Variants in PRDM15 observed in about 807,000 individuals in gnomAD.
PRDM15 encodes PR domain zinc finger protein 15.
A neutral mutation model predicts 128.6 loss-of-function variants in PRDM15; 64 were observed. That is an observed-to-expected ratio of 0.50 (90% confidence interval 0.41 to 0.61). The LOEUF is 0.61. Among genes scored for constraint, PRDM15 ranks in the 20% least tolerant of loss-of-function variants. The probability of loss-of-function intolerance (pLI) is 0.00; values close to 1 mark genes in which losing one functional copy is unlikely to be tolerated. For missense variants in PRDM15, 1,242 were observed against 1,569.1 expected, an observed-to-expected ratio of 0.79 and a Z score of 3.52; for synonymous variants, 615 against 621.8, an observed-to-expected ratio of 0.99 and a Z score of 0.16.
In PRDM15 at chr21:41,828,117, C is replaced by T. The variant is rs778463668; in HGVS notation, c.1534+49G>A. 22 of 1,601,652 alleles carry T rather than the reference C, an allele frequency of 1.4e-5. 1 individual carries two copies. In the South Asian group the frequency reaches 1.8e-4, roughly 13 times the overall value. On this transcript the variant is annotated intron_variant, in intron 12 of 23. Coordinates refer to ENST00000398548, the MANE Select transcript of PRDM15 (RefSeq NM_001040424.3). The surrounding 1 kb of genome is among the most constrained non-coding windows in gnomAD (Gnocchi z 5.7). Reference sequence around the variant, plus strand: ...TGCTCCATGCCGCCCTGCCCCACCCCGCAGGAGCTGCCTCTCCCCGCCCGC... The same window carrying T: ...TGCTCCATGCCGCCCTGCCCCACCCTGCAGGAGCTGCCTCTCCCCGCCCGC...
chr21:41,827,678 CTTCTT>C (rs1436506671), intron 12 of PRDM15, among the ~76,000 whole-genome samples: 5 of 152,200 alleles, frequency 3.3e-5, no homozygotes, highest in Non-Finnish European at 7.3e-5. Context: ...GGTCTCACAT[CTTCTT>C]TTCAACAAGC....
chr21:41,867,550 C>T (rs999371090), intron 1 of PRDM15, among the ~76,000 whole-genome samples: 4 of 152,296 alleles, frequency 2.6e-5, no homozygotes, highest in African/African-American at 9.6e-5. Context: ...CACAAGCGAC[C>T]CTCCTGCCGC....
chr21:41,823,632 G>A (rs550880331), intron 13 of PRDM15, among the ~76,000 whole-genome samples, 183 bp from the exon 14 acceptor site: 74 of 152,294 alleles, frequency 4.9e-4, no homozygotes, highest in African/African-American at 1.7e-3. Flanking sequence ...CGGAATAAGG[G>A]TTACTTGCTG....
At chr21:41,802,068 C>T (rs2061430892) in intron 23 of PRDM15, among the ~76,000 whole-genome samples, 1 of 152,170 alleles carries the variant, frequency 6.6e-6, no homozygotes, top group Non-Finnish European at 1.5e-5. Flanking sequence ...CACCACAAAG[C>T]TACAAAGAGC....
In PRDM15 at chr21:41,817,445, C is replaced by T. The variant is rs148309325; in HGVS notation, c.2261-1609G>A. Among the ~76,000 whole-genome samples, 13 of 152,278 alleles carry T rather than the reference C, an allele frequency of 8.5e-5. 2 individuals carry two copies. The highest frequency in any genetic ancestry group is 1.3e-4 in the Admixed American group (2 of 15,298). ...TCCACCTGCTGGTGACAGGCTCTCA[C>T]GACTACTAACAGCCTCCCACTTGGT... On this transcript the variant is annotated intron_variant, in intron 18 of 23. Coordinates refer to ENST00000398548, the MANE Select transcript of PRDM15 (RefSeq NM_001040424.3).
In PRDM15 at chr21:41,815,709, G is replaced by C; in HGVS notation, c.2388C>G (p.His796Gln). The C allele has an allele frequency of 6.2e-7, 1 of 1,613,466 alleles. No homozygotes were observed. The highest frequency in any genetic ancestry group is 8.5e-7 in the Non-Finnish European group (1 of 1,179,930). ...CGGCCCGGGCCTCGGACTCACCCGTGTGCCGCTTGCAGTGCTTGAGCATGT... is the reference window on the plus strand; with the variant it reads ...CGGCCCGGGCCTCGGACTCACCCGTCTGCCGCTTGCAGTGCTTGAGCATGT... ...KVNMLKHCKR[H>Q]TGIKDFMCEL... is the part of the protein sequence containing the mutation. The change falls in exon 19 of 24, where the codon CAC (histidine) becomes CAG (glutamine). Residue 796 changes from histidine to glutamine, a missense_variant. His to Gln is a conservative substitution (Grantham distance 24). This residue lies in a region of PRDM15 where 602 missense variants were observed against 788.3 expected (regional missense o/e 0.76). Coordinates refer to ENST00000398548, the MANE Select transcript of PRDM15 (RefSeq NM_001040424.3).
Position 41,835,430 on chromosome 21 carries a change from C to T in PRDM15, c.1366+7G>A. The T allele has an allele frequency of 6.2e-7, 1 of 1,604,536 alleles. No homozygotes were observed. Among genetic ancestry groups the T allele is most frequent in the Non-Finnish European group, 8.5e-7 (1 of 1,177,200 alleles). Reference sequence around the variant, plus strand: ...CGGCCGAGGGGAGACGTGACCGGCGCCCTCACCTGTCCTGCAGTTGTGGAA... The same window carrying T: ...CGGCCGAGGGGAGACGTGACCGGCGTCCTCACCTGTCCTGCAGTTGTGGAA... On this transcript the variant is annotated splice_region_variant and intron_variant, in intron 11 of 23. Coordinates refer to ENST00000398548, the MANE Select transcript of PRDM15 (RefSeq NM_001040424.3).
Position 41,821,097 on chromosome 21 carries a change from C to T in PRDM15, c.2030G>A (p.Arg677His). The T allele has an allele frequency of 3.1e-6, 5 of 1,614,228 alleles. No individual in the cohort carries two copies. Among genetic ancestry groups the T allele is most frequent in the Non-Finnish European group, 4.2e-6 (5 of 1,180,042 alleles). Reference sequence around the variant, plus strand: ...CACGTTGGGGTCCGGCAGGTTTTCACGGTGGATGACCATGTGGGCGTGGTA... The same window carrying T: ...CACGTTGGGGTCCGGCAGGTTTTCATGGTGGATGACCATGTGGGCGTGGTA... Reference protein sequence around the residue: ...ATYHAHMVIHRENLPDPNVQK... With the variant: ...ATYHAHMVIHHENLPDPNVQK... Residue 677 changes from arginine to histidine, a missense_variant, in exon 16 of 24, where the codon CGT (arginine) becomes CAT (histidine). This residue lies in a region of PRDM15 where 602 missense variants were observed against 788.3 expected (regional missense o/e 0.76). Coordinates refer to ENST00000398548, the MANE Select transcript of PRDM15 (RefSeq NM_001040424.3). This position sits in a 1 kb window ranked among gnomAD's most constrained non-coding sequence, Gnocchi z 5.4.
In PRDM15 at chr21:41,815,440, G is replaced by A. The variant is rs1235277677; in HGVS notation, c.2392+265C>T. Among the ~76,000 whole-genome samples, 5 of 152,348 alleles carry A rather than the reference G, an allele frequency of 3.3e-5. No homozygotes were observed. The South Asian group carries it at 6.2e-4, about 19-fold the overall frequency. On this transcript the variant is annotated intron_variant, in intron 19 of 23. Coordinates refer to ENST00000398548, the MANE Select transcript of PRDM15 (RefSeq NM_001040424.3). Reference sequence around the variant, plus strand: ...CTGAGGGGGAAACAGCTGAACGGGAGGAACATTTAAAGACTGACCAGTCTC... The same window carrying A: ...CTGAGGGGGAAACAGCTGAACGGGAAGAACATTTAAAGACTGACCAGTCTC...
chr21:41,819,943 A>G (rs2062193199), intron 17 of PRDM15, 152 bp downstream of exon 17: 1 of 783,976 alleles, frequency 1.3e-6, no homozygotes, highest in Admixed American at 2.2e-5. Flanking sequence ...GGCAGGGCTG[A>G]TAAGGACGGG....
intron 21 of PRDM15, among the ~76,000 whole-genome samples, chr21:41,808,303 G>A (rs2061745736): frequency 6.6e-6 from 1 of 152,142 alleles, no homozygotes; most frequent in Non-Finnish European, 1.5e-5. Context: ...GAGAAGGGAG[G>A]CAATGGAGCT....
At position 41,821,636 on chromosome 21, in the gene PRDM15, T is replaced by G. The variant is rs1316741130; in HGVS notation, c.1896+267A>C. On this transcript the variant is annotated intron_variant, in intron 15 of 23. Transcript: ENST00000398548. The surrounding 1 kb of genome is among the most constrained non-coding windows in gnomAD (Gnocchi z 5.4). ...GACCCCCACACTTCATGTGTGTTCC[T>G]GAACCGTGTCACAAGGCAAGTTCCT... is the stretch of plus-strand genomic sequence containing the variant. 1.3e-5 allele frequency among the ~76,000 whole-genome samples: 2 copies of G among 152,182 alleles called. No individual in the cohort carries two copies. Among genetic ancestry groups the G allele is most frequent in the African/African-American group, 2.4e-5 (1 of 41,444 alleles).
At chr21:41,835,653 C>A (rs1372669223) in intron 10 of PRDM15, 129 bp from the exon 11 acceptor site, 1 of 685,842 alleles carries the variant, frequency 1.5e-6, no homozygotes, top group African/African-American at 1.8e-5. Flanking sequence ...CACCCTCCCG[C>A]TCTATTTAGG....
At chr21:41,849,028 G>C (rs117659348) in intron 5 of PRDM15, among the ~76,000 whole-genome samples, 3,696 of 152,336 alleles carry the variant, frequency 0.024, 59 homozygotes, top group African/African-American at 0.042. Flanking sequence ...AAGATGTGGT[G>C]AGCCAGACTG....
chr21:41,812,405 G>C (rs1287486103), intron 19 of PRDM15: 2 of 152,232 alleles, frequency 1.3e-5, no homozygotes, highest in East Asian at 3.9e-4. Context: ...GGAGGTGCAC[G>C]GTAGGTGGCC....
chr21:41,813,762 A>G (rs112199214), intron 19 of PRDM15: 7,672 of 152,382 alleles, frequency 0.05, 653 homozygotes, highest in African/African-American at 0.17. Context: ...GTGATTGCGC[A>G]GGGTGCTCTA....
intron 1 of PRDM15, among the ~76,000 whole-genome samples, chr21:41,865,088 C>T (rs536539173): frequency 7.1e-6 from 1 of 140,718 alleles, no homozygotes; most frequent in African/African-American, 2.6e-5. Context: ...CCCCTGCTCA[C>T]TCCTCACTCC....
intron 6 of PRDM15, among the ~76,000 whole-genome samples, chr21:41,844,512 GAC>G (rs200370881): frequency 2.3e-5 from 1 of 42,730 alleles, no homozygotes; most frequent in Admixed American, 3.8e-4. Flanking sequence ...CCCTCACAGG[GAC>G]ACACACAGCC....
chr21:41,806,732 TCACCA>T (rs2061686579), intron 21 of PRDM15, among the ~76,000 whole-genome samples: 1 of 85,894 alleles, frequency 1.2e-5, no homozygotes, highest in Non-Finnish European at 2.3e-5. Context: ...ACCATCACCA[TCACCA>T]TACCACCACC....
Sources: allele counts gnomAD v4.1 joint callset (sites outside exome capture counted in the v4.1 genomes callset), GRCh38; gene constraint gnomAD v4.1.1; regional missense constraint gnomAD v4.1.1; non-coding constraint Gnocchi (gnomAD v3.1); transcripts MANE v1.5; gene names NCBI Gene and HGNC (gene_info 2026-07-23, HGNC 2026-07-21).